Variants in ZCWPW2 observed in about 807,000 individuals in gnomAD.
The protein encoded by ZCWPW2 is zinc finger CW-type and PWWP domain containing 2, also known as zinc finger CW-type PWWP domain protein 2.
ZCWPW2 carries 45 observed loss-of-function variants against 46.6 expected under a neutral mutation model. The observed-to-expected ratio is 0.96, with a 90% CI of 0.76 to 1.24. ZCWPW2 has a LOEUF of 1.24. ZCWPW2 is among the 50% of genes most tolerant of loss of function. The probability of loss-of-function intolerance (pLI) is 0.00; values close to 1 mark genes in which losing one functional copy is unlikely to be tolerated. For synonymous variants in ZCWPW2, 152 were observed against 137.1 expected (o/e 1.11, Z -0.76); for missense variants, 429 against 403.9 (o/e 1.06, Z -0.53).
intron 2 of ZCWPW2, among the ~76,000 whole-genome samples, chr3:28,392,718 C>A (rs1384875686): frequency 2.0e-5 from 3 of 151,314 alleles, no homozygotes; most frequent in Non-Finnish European, 2.9e-5. Context: ...ACCAATGGCT[C>A]ACTGAAGAAA....
intron 4 of ZCWPW2, among the ~76,000 whole-genome samples, chr3:28,442,566 ATTACTGGCC>A (rs538469234): frequency 3.1e-4 from 47 of 152,344 alleles, no homozygotes; most frequent in African/African-American, 1.1e-3. Context: ...GTAAAAGTAT[ATTACTGGCC>A]TTGCCAGCTG....
At position 28,434,484 on chromosome 3, in the gene ZCWPW2, T is replaced by C. The variant is rs190903034; in HGVS notation, c.333-626T>C. Among the ~76,000 whole-genome samples, 853 of 152,344 alleles carry C rather than the reference T, an allele frequency of 5.6e-3. 3 individuals are homozygous for C. The highest frequency in any genetic ancestry group is 8.7e-3 in the Non-Finnish European group (592 of 68,024). ...ATAACATATCTCTAAATGTTTGTTT[T>C]TAATAAAGAATAAATTTTATTTTCA... is the stretch of plus-strand genomic sequence containing the variant. On this transcript the variant is annotated intron_variant, in intron 3 of 9. Coordinates refer to ENST00000383768, the MANE Select transcript of ZCWPW2 (RefSeq NM_001040432.4).
chr3:28,420,446 C>T (rs1409543559), intron 3 of ZCWPW2, among the ~76,000 whole-genome samples: 1 of 151,990 alleles, frequency 6.6e-6, no homozygotes, highest in Non-Finnish European at 1.5e-5. Context: ...TCCTGATCCT[C>T]TCCCTCCTCC....
intron 8 of ZCWPW2, among the ~76,000 whole-genome samples, chr3:28,519,577 T>C (rs796680543): frequency 7.9e-5 from 12 of 152,348 alleles, no homozygotes; most frequent in African/African-American, 2.6e-4. Flanking sequence ...TTCCTACTTA[T>C]GTCCTGTTTG....
chr3:28,361,651 C>A (rs891925932), intron 1 of ZCWPW2, among the ~76,000 whole-genome samples: 1 of 151,222 alleles, frequency 6.6e-6, no homozygotes, highest in Non-Finnish European at 1.5e-5. Flanking sequence ...GGATTAATAT[C>A]AAAAATATAT....
At chr3:28,446,384 G>T (rs376781356) in intron 4 of ZCWPW2, among the ~76,000 whole-genome samples, 35 of 152,078 alleles carry the variant, frequency 2.3e-4, no homozygotes, top group African/African-American at 8.2e-4. Flanking sequence ...TAGAATTTGT[G>T]GGAATTGAAC....
At chr3:28,485,014 C>A (rs1055354008) in intron 5 of ZCWPW2, among the ~76,000 whole-genome samples, 4 of 151,372 alleles carry the variant, frequency 2.6e-5, no homozygotes, top group Non-Finnish European at 5.9e-5. Context: ...GAGCTTTTTT[C>A]TTTTCTAATA....
At chr3:28,450,304 A>G (rs545749263) in intron 4 of ZCWPW2, among the ~76,000 whole-genome samples, 44 of 152,318 alleles carry the variant, frequency 2.9e-4, no homozygotes, top group African/African-American at 1.1e-3. Context: ...ACTGGAAATT[A>G]TGCTCACTGC....
chr3:28,496,347 T>G (rs986120496), intron 6 of ZCWPW2, among the ~76,000 whole-genome samples: 4 of 152,044 alleles, frequency 2.6e-5, no homozygotes, highest in Non-Finnish European at 1.5e-5. Context: ...ATTTTTAGTG[T>G]TGCTAGCAAG....
At chr3:28,396,510 G>A (rs1330837266) in intron 2 of ZCWPW2, among the ~76,000 whole-genome samples, 13 of 152,098 alleles carry the variant, frequency 8.5e-5, no homozygotes, top group Admixed American at 8.5e-4. Flanking sequence ...TATAAGCATT[G>A]TTTACAAGTG....
intron 6 of ZCWPW2, among the ~76,000 whole-genome samples, chr3:28,495,050 A>G (rs1010801266): frequency 1.5e-4 from 23 of 151,930 alleles, no homozygotes; most frequent in Non-Finnish European, 3.2e-4. Context: ...GCTACCAATG[A>G]CTTTCTTCAC....
chr3:28,359,894 A>G (rs1191275149), intron 1 of ZCWPW2, among the ~76,000 whole-genome samples: 1 of 152,124 alleles, frequency 6.6e-6, no homozygotes, highest in Non-Finnish European at 1.5e-5. Context: ...TCATAATTTC[A>G]TTTGGTCACT....
chr3:28,487,810 A>G (rs1050702193), intron 5 of ZCWPW2, among the ~76,000 whole-genome samples: 2 of 152,146 alleles, frequency 1.3e-5, no homozygotes, highest in Non-Finnish European at 2.9e-5. Context: ...TGTAAACTTC[A>G]TAAGGGCTTT....
In ZCWPW2 at chr3:28,401,104, G is replaced by A. The variant is rs1027204908; in HGVS notation, c.-14+10487G>A. On this transcript the variant is annotated intron_variant, in intron 2 of 9. Coordinates refer to ENST00000383768, the MANE Select transcript of ZCWPW2 (RefSeq NM_001040432.4). Reference sequence around the variant, plus strand: ...TGAGGCAGGAGAATGGCGTGAACCCGGGAGGCGGAGCTTGCAGTGAGCTGA... The same window carrying A: ...TGAGGCAGGAGAATGGCGTGAACCCAGGAGGCGGAGCTTGCAGTGAGCTGA... Among the ~76,000 whole-genome samples, 41 of 152,032 alleles carry A rather than the reference G, an allele frequency of 2.7e-4. No individual in the cohort carries two copies. In the Middle Eastern group the frequency reaches 0.02, roughly 76 times the overall value.
chr3:28,393,475 G>C (rs1181309146), intron 2 of ZCWPW2, among the ~76,000 whole-genome samples: 5 of 151,914 alleles, frequency 3.3e-5, no homozygotes, highest in African/African-American at 1.2e-4. Context: ...AATCAGACAA[G>C]GACACTACAA....
intron 1 of ZCWPW2, among the ~76,000 whole-genome samples, chr3:28,387,914 GTCAGGGT>G (rs1172602129): frequency 1.3e-5 from 2 of 152,146 alleles, no homozygotes; most frequent in Non-Finnish European, 2.9e-5. Context: ...TTCTTCATTA[GTCAGGGT>G]TCTACAGAGA....
intron 2 of ZCWPW2, among the ~76,000 whole-genome samples, chr3:28,407,486 A>C (rs1026864989): frequency 6.6e-6 from 1 of 152,170 alleles, no homozygotes; most frequent in Admixed American, 6.5e-5. Flanking sequence ...TATAGTGTGC[A>C]AAATAATATG....
At chr3:28,442,213 A>G (rs1475209850) in intron 4 of ZCWPW2, among the ~76,000 whole-genome samples, 2 of 152,202 alleles carry the variant, frequency 1.3e-5, no homozygotes, top group Non-Finnish European at 2.9e-5. Context: ...CCCATTAGGC[A>G]TTGTGCCTCT....
Position 28,488,832 on chromosome 3 carries a change from G to A in ZCWPW2, c.611-3295G>A, listed in dbSNP as rs115377608. The stretch of plus-strand genomic sequence containing the variant: ...GTCCCTACATGCAGAGATTTCTGAA[G>A]GAAGGAAATTAAATCTTTCTCACAA... On this transcript the variant is annotated intron_variant, in intron 5 of 9. Transcript: ENST00000383768. Among the ~76,000 whole-genome samples, 1,025 of 152,200 alleles carry A rather than the reference G, an allele frequency of 6.7e-3. 9 individuals are homozygous for A. The highest frequency in any genetic ancestry group is 0.022 in the African/African-American group (932 of 41,536).
Sources: gnomAD v4.1 joint callset for allele counts (sites outside exome capture counted in the v4.1 genomes callset) on GRCh38, gnomAD v4.1.1 for gene constraint, MANE v1.5 for transcripts, NCBI Gene and HGNC (gene_info 2026-07-23, HGNC 2026-07-21) for gene names.